Variants in ZNF681 observed in about 807,000 individuals in gnomAD.
ZNF681 encodes hypothetical protein FLJ31526.
ZNF681 carries 37 observed loss-of-function variants against 56.0 expected under a neutral mutation model. The observed-to-expected ratio is 0.66, with a 90% CI of 0.51 to 0.87. The LOEUF (loss-of-function observed/expected upper bound fraction) is 0.87, where lower values mean the gene tolerates loss of function less well. Among genes scored for constraint, ZNF681 ranks in the 40% least tolerant of loss-of-function variants. ZNF681 has a pLI of 0.00. For missense variants in ZNF681, 741 were observed against 744.9 expected (o/e 0.99, Z 0.06); for synonymous variants, 225 against 248.6 (o/e 0.91, Z 0.89).
At position 23,742,954 on chromosome 19, in the gene ZNF681, C is replaced by G. The variant is rs577264674; in HGVS notation, c.*658G>C. 8.5e-5 allele frequency: 13 copies of G among 152,210 alleles called. 1 individual carries two copies. In the South Asian group the frequency reaches 2.7e-3, roughly 32 times the overall value. 9.4% of individuals were successfully genotyped at this position (152,210 alleles called of 1,614,324 possible). A position where few individuals can be genotyped will look rare whatever the true frequency, so the allele number is the denominator to read the frequency against. On this transcript the variant is annotated 3_prime_UTR_variant, in exon 4 of 4. Transcript: ENST00000402377. ...TAGATTCTTTTCTATACTCAGCAAT[C>G]TGATTTAGTGTAATGCCTGAAGTGT...
At chr19:23,756,312 G>A (rs548488149) in intron 1 of ZNF681, among the ~76,000 whole-genome samples, 49 of 78,156 alleles carry the variant, frequency 6.3e-4, no homozygotes, top group African/African-American at 2.1e-3. Context: ...GCGACAGAGC[G>A]ACACTCTGTC....
Position 23,744,876 on chromosome 19 carries a change from G to A in ZNF681, c.674C>T (p.Ser225Leu), listed in dbSNP as rs61732311. Residue 225 changes from serine to leucine, a missense_variant, in exon 4 of 4, where the codon TCG (serine) becomes TTG (leucine). By Grantham distance (145) the Ser-to-Leu change is moderately radical. Coordinates refer to ENST00000402377, the MANE Select transcript of ZNF681 (RefSeq NM_138286.3). ...TTTGCCACATTCTTCACATATGTAC[G>A]ATTTCTCTCCAATATGAATTCTTTT... ...KHKRIHIGEK[S>L]YICEECGKAC... 3.3e-4 allele frequency: 534 copies of A among 1,612,710 alleles called. 1 individual carries two copies. In the African/African-American group the frequency reaches 4.1e-3, roughly 12 times the overall value.
Position 23,742,829 on chromosome 19 carries a change from ATT to A in ZNF681, c.*781_*782del, listed in dbSNP as rs1367102092. On this transcript the variant is annotated 3_prime_UTR_variant, in exon 4 of 4. Coordinates refer to ENST00000402377, the MANE Select transcript of ZNF681 (RefSeq NM_138286.3). ...CATTATTCACTTTTCATAAAACCTA[ATT>A]TTTTTCAAAGGATAGTTTGAATGTA... is the stretch of plus-strand genomic sequence containing the variant. The A allele has an allele frequency of 6.6e-6, 1 of 152,128 alleles. No individual in the cohort carries two copies. The allele number at this position is 152,128 out of a possible 1,614,324, so 9.4% of individuals were successfully genotyped here.
In ZNF681 at chr19:23,758,832, A is replaced by G; in HGVS notation, c.-83T>C. The G allele has an allele frequency of 1.9e-6, 3 of 1,589,778 alleles. No individual in the cohort carries two copies. In the South Asian group the frequency reaches 3.3e-5, roughly 18 times the overall value. ...AGAGGGCCATAGAGGCTGGGCCTCT[A>G]GAAGAAGAGGACACAGAGCAGTGAA... On this transcript the variant is annotated 5_prime_UTR_variant, in exon 1 of 4. Coordinates refer to ENST00000402377, the MANE Select transcript of ZNF681 (RefSeq NM_138286.3).
chr19:23,755,492 C>T lies in ZNF681; in HGVS notation c.63G>A (p.Leu21=), dbSNP rs1258805278. ...IEFSLEEWQC[L]DTIQQNLYRN... Reference sequence around the variant, plus strand: ...TATATAAATTCTGCTGTATAGTGTCCAGGCATTGCCACTCCTCCAGAGAGA... The same window carrying T: ...TATATAAATTCTGCTGTATAGTGTCTAGGCATTGCCACTCCTCCAGAGAGA... Residue 21 remains leucine, a synonymous_variant, in exon 2 of 4, where the codon CTG becomes CTA. Coordinates refer to ENST00000402377, the MANE Select transcript of ZNF681 (RefSeq NM_138286.3). 8 of 1,609,850 alleles carry T rather than the reference C, an allele frequency of 5.0e-6. No individual in the cohort carries two copies. Among genetic ancestry groups the T allele is most frequent in the Non-Finnish European group, 4.2e-6 (5 of 1,177,912 alleles).
intron 3 of ZNF681, among the ~76,000 whole-genome samples, chr19:23,749,884 C>G (rs900611131): frequency 2.0e-5 from 3 of 151,810 alleles, no homozygotes; most frequent in Non-Finnish European, 2.9e-5. Flanking sequence ...GTGTTTGTCT[C>G]ACACAGAGCA....
chr19:23,750,572 T>G (rs1300318033), intron 3 of ZNF681, among the ~76,000 whole-genome samples: 1 of 152,070 alleles, frequency 6.6e-6, no homozygotes, highest in African/African-American at 2.4e-5. Context: ...CCAGGCACGG[T>G]GGCTCACACC....
chr19:23,754,822 C>T lies in ZNF681; in HGVS notation c.226+1G>A, dbSNP rs1363371157. On this transcript the variant is annotated splice_donor_variant, in intron 3 of 3. Coordinates refer to ENST00000402377, the MANE Select transcript of ZNF681 (RefSeq NM_138286.3). LOFTEE classifies it high-confidence loss of function. ...TTGTATTCACTTTCACTCTCACCTA[C>T]CTGGGGGTTCGGCCACCATCCTATG... 1 of 1,613,360 alleles carries T rather than the reference C, an allele frequency of 6.2e-7. No individual in the cohort carries two copies. Among genetic ancestry groups the T allele is most frequent in the African/African-American group, 1.3e-5 (1 of 74,886 alleles).
rs575996223 is a variant in ZNF681, at chr19:23,740,407, A to C, written c.*3205T>G. 12 of 152,288 alleles carry C rather than the reference A, an allele frequency of 7.9e-5. 1 individual carries two copies. The South Asian group carries it at 1.7e-3, about 21-fold the overall frequency. 9.4% of individuals were successfully genotyped at this position (152,288 alleles called of 1,614,324 possible). A position where few individuals can be genotyped will look rare whatever the true frequency, so the allele number is the denominator to read the frequency against. On this transcript the variant is annotated 3_prime_UTR_variant, in exon 4 of 4. Transcript: ENST00000402377. ...AACTAAGACAATTAGGAAATAAAAG[A>C]AGCACAATTTTTTAATTCAGCAAAA...
rs369758645 is a variant in ZNF681, at chr19:23,744,385, T to C, written c.1165A>G (p.Thr389Ala). 2.8e-5 allele frequency: 45 copies of C among 1,613,774 alleles called. No individual in the cohort carries two copies. In the East Asian group the frequency reaches 3.8e-4, roughly 14 times the overall value. The change falls in exon 4 of 4, where the codon ACT (threonine) becomes GCT (alanine). Residue 389 changes from threonine to alanine, a missense_variant. Physicochemically the swap from Thr to Ala is moderately conservative, Grantham distance 58. Transcript: ENST00000402377. ...SHLTTHKIIH[T>A]GEKPYKCEEC... is the part of the protein sequence containing the mutation. The stretch of plus-strand genomic sequence containing the variant: ...TCACATTTGTAGGGTTTCTCTCCAG[T>C]ATGAATTATCTTATGTGTAGTAAGG...
Position 23,758,746 on chromosome 19 carries a change from C to T in ZNF681, c.3+1G>A, listed in dbSNP as rs879030538. 1 of 1,614,228 alleles carries T rather than the reference C, an allele frequency of 6.2e-7. No individual in the cohort carries two copies. The highest frequency in any genetic ancestry group is 1.1e-5 in the South Asian group (1 of 91,086). On this transcript the variant is annotated splice_donor_variant, in intron 1 of 3. Coordinates refer to ENST00000402377, the MANE Select transcript of ZNF681 (RefSeq NM_138286.3). LOFTEE classifies it high-confidence loss of function. ...CGGGATGTCGGACCCGACATTCTCA[C>T]CATTTCTAGGTTTCCGGGGGACCTG...
intron 2 of ZNF681, among the ~76,000 whole-genome samples, 170 bp from the exon 3 acceptor site, chr19:23,755,088 T>C (rs528039336): frequency 3.3e-5 from 5 of 152,322 alleles, no homozygotes; most frequent in African/African-American, 9.6e-5. Flanking sequence ...AATTTGTTAG[T>C]TCTTAATTTC....
rs1313248040 is a variant in ZNF681 at position 23,744,898 on chromosome 19, T to C, written c.652A>G (p.Arg218Gly). 1 of 1,609,544 alleles carries C rather than the reference T, an allele frequency of 6.2e-7. No individual in the cohort carries two copies. Among genetic ancestry groups the C allele is most frequent in the Non-Finnish European group, 8.5e-7 (1 of 1,178,460 alleles). ...TACGATTTCTCTCCAATATGAATTCTTTTATGTTTAGTAAAGATTGAGGAT... is the reference window on the plus strand; with the variant it reads ...TACGATTTCTCTCCAATATGAATTCCTTTATGTTTAGTAAAGATTGAGGAT... ...NGSSIFTKHK[R>G]IHIGEKSYIC... The change falls in exon 4 of 4, where the codon AGA becomes GGA. Residue 218 changes from arginine to glycine, a missense_variant. Coordinates refer to ENST00000402377, the MANE Select transcript of ZNF681 (RefSeq NM_138286.3).
At position 23,758,813 on chromosome 19, in the gene ZNF681, C is replaced by A; in HGVS notation, c.-64G>T. ...TCGCCAATACCTGCAGGTCAGAGGG[C>A]CATAGAGGCTGGGCCTCTAGAAGAA... On this transcript the variant is annotated 5_prime_UTR_variant, in exon 1 of 4. Transcript: ENST00000402377. The A allele has an allele frequency of 6.2e-7, 1 of 1,611,100 alleles. No individual in the cohort carries two copies. Among genetic ancestry groups the A allele is most frequent in the South Asian group, 1.1e-5 (1 of 90,926 alleles).
rs1322361884 is a variant in ZNF681, at chr19:23,742,938, T to C, written c.*674A>G. ...TTACCAACTTTAGTTTTAGATTCTT[T>C]TCTATACTCAGCAATCTGATTTAGT... On this transcript the variant is annotated 3_prime_UTR_variant, in exon 4 of 4. Coordinates refer to ENST00000402377, the MANE Select transcript of ZNF681 (RefSeq NM_138286.3). The C allele has an allele frequency of 6.6e-6, 1 of 152,206 alleles. No individual in the cohort carries two copies. The highest frequency in any genetic ancestry group is 1.9e-4 in the East Asian group (1 of 5,200). The allele number at this position is 152,206 out of a possible 1,614,324, so 9.4% of individuals were successfully genotyped here. A position where few individuals can be genotyped will look rare whatever the true frequency, so the allele number is the denominator to read the frequency against.
chr19:23,751,234 T>G (rs1329192130), intron 3 of ZNF681, among the ~76,000 whole-genome samples: 2 of 151,834 alleles, frequency 1.3e-5, no homozygotes, highest in African/African-American at 4.8e-5. Context: ...CCCAGCACTT[T>G]GGGTGGCTGA....
rs1318597469 is a variant in ZNF681 at position 23,741,803 on chromosome 19, CCA to C, written c.*1807_*1808del. ...TGCAGGTAATGAATATTTCATTTACCCATATGTAATTATTACATATTATATAC... is the reference window on the plus strand; with the variant it reads ...TGCAGGTAATGAATATTTCATTTACCTATGTAATTATTACATATTATATAC... On this transcript the variant is annotated 3_prime_UTR_variant, in exon 4 of 4. Coordinates refer to ENST00000402377, the MANE Select transcript of ZNF681 (RefSeq NM_138286.3). The C allele has an allele frequency of 6.6e-6, 1 of 151,766 alleles. No homozygotes were observed. The highest frequency in any genetic ancestry group is 2.4e-5 in the African/African-American group (1 of 41,292). 9.4% of individuals were successfully genotyped at this position (151,766 alleles called of 1,614,324 possible).
chr19:23,754,460 T>C (rs1969083739), intron 3 of ZNF681, among the ~76,000 whole-genome samples: 1 of 150,436 alleles, frequency 6.6e-6, no homozygotes, highest in African/African-American at 2.5e-5. Flanking sequence ...GGTTAGGAGT[T>C]CGAGACCAGC....
At chr19:23,752,065 T>G (rs1158842193) in intron 3 of ZNF681, among the ~76,000 whole-genome samples, 1 of 152,140 alleles carries the variant, frequency 6.6e-6, no homozygotes, top group Admixed American at 6.6e-5. Context: ...CCAAATTAAG[T>G]GCCTTTAGGA....
Sources: gnomAD v4.1 joint callset for allele counts (sites outside exome capture counted in the v4.1 genomes callset) on GRCh38, gnomAD v4.1.1 for gene constraint, MANE v1.5 for transcripts, NCBI Gene and HGNC (gene_info 2026-07-23, HGNC 2026-07-21) for gene names.